The following IFT43 variants were observed in gnomAD, a reference collection of about 807,000 sequenced individuals.
IFT43 encodes the protein intraflagellar transport 43, also known as intraflagellar transport protein 43 homolog.
In IFT43, 33 loss-of-function variants were observed where a neutral mutation model predicts 32.3. The ratio of observed to expected loss-of-function variants is 1.02; its 90% CI spans 0.77 to 1.37. The LOEUF (loss-of-function observed/expected upper bound fraction) is 1.37. Ranked by LOEUF, IFT43 falls within the 40% of genes most tolerant of loss-of-function variation. The probability of loss-of-function intolerance (pLI) is 0.00; values close to 1 mark genes in which losing one functional copy is unlikely to be tolerated. For missense variants in IFT43, 274 were observed against 265.9 expected (o/e 1.03, Z -0.21); for synonymous variants, 93 against 98.2 (o/e 0.95, Z 0.31).
At chr14:75,992,786 C>T (rs1341817069) in intron 2 of IFT43, among the ~76,000 whole-genome samples, 1 of 152,176 alleles carries the variant, frequency 6.6e-6, no homozygotes, top group Non-Finnish European at 1.5e-5. Flanking sequence ...ATCGATCCTC[C>T]TGCCTTGGCT....
chr14:76,058,889 A>T, intron 4 of IFT43: 2 of 1,478,032 alleles, frequency 1.4e-6, no homozygotes, highest in Admixed American at 2.5e-5. Context: ...CCTATCTCCC[A>T]CTGTGTGGTT....
At chr14:75,994,892 G>T (rs1187013936) in intron 2 of IFT43, among the ~76,000 whole-genome samples, 1 of 152,200 alleles carries the variant, frequency 6.6e-6, no homozygotes, top group Non-Finnish European at 1.5e-5. Context: ...CTACCGAAAA[G>T]TTACCTTCTA....
chr14:76,027,665 T>C (rs1180293111), intron 3 of IFT43, among the ~76,000 whole-genome samples: 1 of 146,302 alleles, frequency 6.8e-6, no homozygotes, highest in Admixed American at 7.0e-5. Context: ...GCCGAGATTG[T>C]GCCACTGCGC....
At chr14:76,082,435 A>C in intron 6 of IFT43, 68 bp downstream of exon 6, 9 of 1,168,462 alleles carry the variant, frequency 7.7e-6, no homozygotes, top group Non-Finnish European at 1.2e-5. Flanking sequence ...GATATCATCT[A>C]TAGTGGACCT....
chr14:76,019,117 G>A (rs764613289), intron 2 of IFT43, among the ~76,000 whole-genome samples: 2 of 151,738 alleles, frequency 1.3e-5, no homozygotes, highest in African/African-American at 2.4e-5. Flanking sequence ...ATTGCAGTTT[G>A]ATGGTTTTCT....
intron 3 of IFT43, chr14:76,038,207 A>T (rs1247633508): frequency 6.6e-6 from 1 of 152,158 alleles, no homozygotes; most frequent in Non-Finnish European, 1.5e-5. Context: ...TGCATGTGAG[A>T]TGGTTGAGAA....
At chr14:76,060,012 T>C (rs1466592565) in intron 5 of IFT43, among the ~76,000 whole-genome samples, 3 of 152,170 alleles carry the variant, frequency 2.0e-5, no homozygotes, top group African/African-American at 7.2e-5. Context: ...TCTTTATCTT[T>C]GCATCTCCAG....
chr14:76,076,796 G>T, intron 5 of IFT43: 1 of 1,385,178 alleles, frequency 7.2e-7, no homozygotes. Context: ...TATCCGTAAT[G>T]AATGTATTTC....
chr14:76,073,533 G>C (rs1049757671), intron 5 of IFT43, among the ~76,000 whole-genome samples: 2 of 152,142 alleles, frequency 1.3e-5, no homozygotes, highest in Admixed American at 1.3e-4. Context: ...TTTTCCTTTC[G>C]TGCTTTAGGC....
chr14:76,000,624 A>G (rs2035866599), intron 2 of IFT43, among the ~76,000 whole-genome samples: 2 of 152,124 alleles, frequency 1.3e-5, no homozygotes, highest in Non-Finnish European at 2.9e-5. Context: ...CAGGCATCTC[A>G]CCAGTGGCAT....
At chr14:76,061,286 T>G (rs2037130723) in intron 5 of IFT43, among the ~76,000 whole-genome samples, 1 of 152,248 alleles carries the variant, frequency 6.6e-6, no homozygotes, top group Admixed American at 6.5e-5. Flanking sequence ...CCATTATCAG[T>G]TATTTTCAGC....
At chr14:76,034,206 A>T (rs145023830) in intron 3 of IFT43, among the ~76,000 whole-genome samples, 2 of 152,256 alleles carry the variant, frequency 1.3e-5, no homozygotes, top group African/African-American at 4.8e-5. Context: ...ATTTCTCATG[A>T]TTCTGGAGGC....
At chr14:76,043,635 A>G (rs1007488775) in intron 3 of IFT43, among the ~76,000 whole-genome samples, 27 of 152,144 alleles carry the variant, frequency 1.8e-4, no homozygotes, top group Non-Finnish European at 3.8e-4. Context: ...GTTTCTCCCA[A>G]TGTAGAGTCC....
rs796428080 is a variant in IFT43, at chr14:75,990,981, T to C, written c.147+2004T>C. Among the ~76,000 whole-genome samples, 3 of 152,220 alleles carry C rather than the reference T, an allele frequency of 2.0e-5. No individual in the cohort carries two copies. The East Asian group carries it at 5.8e-4, about 29-fold the overall frequency. ...CAGTGAACAAAAGAGACAAGATCTCTTGCCATAATGGAAGTTACATTCTCG... is the reference window on the plus strand; with the variant it reads ...CAGTGAACAAAAGAGACAAGATCTCCTGCCATAATGGAAGTTACATTCTCG... On this transcript the variant is annotated intron_variant, in intron 2 of 8. Transcript: ENST00000314067.
chr14:76,025,725 T>A (rs2036379514), intron 3 of IFT43, among the ~76,000 whole-genome samples: 1 of 152,184 alleles, frequency 6.6e-6, no homozygotes, highest in Non-Finnish European at 1.5e-5. Flanking sequence ...ATAAATGGTG[T>A]TGAGATAACT....
At chr14:76,040,740 C>T (rs2036690853) in intron 3 of IFT43, among the ~76,000 whole-genome samples, 1 of 152,234 alleles carries the variant, frequency 6.6e-6, no homozygotes. Flanking sequence ...GCTGCAGCAG[C>T]ATTTGGATAC....
At chr14:75,991,493 G>A (rs1006074772) in intron 2 of IFT43, among the ~76,000 whole-genome samples, 1 of 150,912 alleles carries the variant, frequency 6.6e-6, no homozygotes, top group Non-Finnish European at 1.5e-5. Context: ...ATGGTAGTTA[G>A]GTGAATGAGC....
chr14:76,049,218 A>G (rs1246694710), intron 3 of IFT43, among the ~76,000 whole-genome samples: 1 of 152,212 alleles, frequency 6.6e-6, no homozygotes, highest in Non-Finnish European at 1.5e-5. Context: ...TCCATCTTCC[A>G]TCCTTGTAGC....
chr14:76,061,251 C>T (rs1240697364), intron 5 of IFT43, among the ~76,000 whole-genome samples: 1 of 152,264 alleles, frequency 6.6e-6, no homozygotes, highest in East Asian at 1.9e-4. Context: ...TATCTTTCCC[C>T]CTATCTGCTT....
Sources: allele counts gnomAD v4.1 joint callset (sites outside exome capture counted in the v4.1 genomes callset), GRCh38; gene constraint gnomAD v4.1.1; transcripts MANE v1.5; gene names NCBI Gene and HGNC (gene_info 2026-07-23, HGNC 2026-07-21).